Variants in DNAH5 observed in about 807,000 individuals in gnomAD.
DNAH5 encodes axonemal beta dynein heavy chain 5.
A neutral mutation model predicts 518.2 loss-of-function variants in DNAH5; 372 were observed. The ratio of observed to expected loss-of-function variants is 0.72; its 90% confidence interval spans 0.66 to 0.78. The LOEUF is 0.78. DNAH5 is among the 30% of genes least tolerant of loss of function. The probability of loss-of-function intolerance (pLI) is 0.00; values close to 1 mark genes in which losing one functional copy is unlikely to be tolerated. For missense variants in DNAH5, 5,523 were observed against 5,687.0 expected (o/e 0.97, Z 0.93); for synonymous variants, 2,039 against 2,025.9 (o/e 1.01, Z -0.17).
At position 13,892,485 on chromosome 5, in the gene DNAH5, AG is replaced by A. The variant is rs1773395160; in HGVS notation, c.2432-1365del. 1.3e-5 allele frequency among the ~76,000 whole-genome samples: 2 copies of A among 152,216 alleles called. 1 individual carries two copies. Among genetic ancestry groups the A allele is most frequent in the South Asian group, 4.1e-4 (2 of 4,836 alleles). On this transcript the variant is annotated intron_variant, in intron 16 of 78. Coordinates refer to ENST00000265104, the MANE Select transcript of DNAH5 (RefSeq NM_001369.3). The stretch of plus-strand genomic sequence containing the variant: ...TGGCTTACTAATCCAATTAAAATCC[AG>A]CTGCACTTGAGATTTTACATAGTTT...
At chr5:13,783,783 T>C (rs1755553664) in intron 52 of DNAH5, among the ~76,000 whole-genome samples, 1 of 152,236 alleles carries the variant, frequency 6.6e-6, no homozygotes, top group Non-Finnish European at 1.5e-5. Context: ...TTCTTACTCT[T>C]GGCTTCTATC....
intron 53 of DNAH5, among the ~76,000 whole-genome samples, chr5:13,778,600 G>GAAAGAAAGAA (rs1272994718): frequency 9.1e-4 from 66 of 72,908 alleles, no homozygotes; most frequent in African/African-American, 1.5e-3. Flanking sequence ...GAAAGAAAGA[G>GAAAGAAAGAA]AGAGAGAAAG....
Position 13,886,016 on chromosome 5 carries a change from T to G in DNAH5, c.2691A>C (p.Glu897Asp), listed in dbSNP as rs771933904. ...LLDVEVLSEE[E>D]SEKISNENSV... Reference sequence around the variant, plus strand: ...TATTCTCATTGGATATTTTTTCACTTTCTTCTTCAGATAAAACTTCCACAT... The same window carrying G: ...TATTCTCATTGGATATTTTTTCACTGTCTTCTTCAGATAAAACTTCCACAT... The change falls in exon 18 of 79, where the codon GAA becomes GAC. Residue 897 changes from glutamate (E) to aspartate (D), a missense_variant. Physicochemically the swap from Glu to Asp is conservative, Grantham distance 45. Transcript: ENST00000265104. 1.9e-6 allele frequency: 3 copies of G among 1,613,396 alleles called. No homozygotes were observed. In the East Asian group the frequency reaches 6.7e-5, roughly 36 times the overall value.
intron 65 of DNAH5, among the ~76,000 whole-genome samples, chr5:13,750,259 C>T (rs1342610804): frequency 6.6e-6 from 1 of 152,096 alleles, no homozygotes; most frequent in African/African-American, 2.4e-5. Context: ...AACTAAATTC[C>T]TCATTATTAT....
intron 1 of DNAH5, among the ~76,000 whole-genome samples, chr5:13,985,345 T>C (rs1263302188): frequency 6.7e-6 from 1 of 150,172 alleles, no homozygotes; most frequent in Admixed American, 6.7e-5. Context: ...AGTTAATGGG[T>C]GCAGCACACC....
At chr5:13,717,081 G>C (rs1744394240) in intron 73 of DNAH5, among the ~76,000 whole-genome samples, 2 of 152,046 alleles carry the variant, frequency 1.3e-5, no homozygotes, top group African/African-American at 4.8e-5. Flanking sequence ...GCCCCTTGAG[G>C]CTGTCTTCTT....
intron 70 of DNAH5, among the ~76,000 whole-genome samples, chr5:13,725,329 G>T (rs918024961): frequency 2.0e-5 from 3 of 152,222 alleles, no homozygotes; most frequent in African/African-American, 7.2e-5. Context: ...AGCTAAGTGG[G>T]TCAGAGCATG....
intron 49 of DNAH5, among the ~76,000 whole-genome samples, chr5:13,792,758 G>A (rs980855493): frequency 6.6e-6 from 1 of 152,174 alleles, no homozygotes; most frequent in African/African-American, 2.4e-5. Flanking sequence ...TGACTGAAGG[G>A]AGATTACTGC....
chr5:13,961,898 C>T (rs1304594889), intron 1 of DNAH5, among the ~76,000 whole-genome samples: 3 of 146,502 alleles, frequency 2.0e-5, no homozygotes, highest in East Asian at 4.2e-4. Context: ...CAATCACTAA[C>T]GCTTTTATTA....
At chr5:13,939,814 C>T (rs1056693413) in intron 1 of DNAH5, among the ~76,000 whole-genome samples, 6 of 152,186 alleles carry the variant, frequency 3.9e-5, no homozygotes, top group Admixed American at 1.3e-4. Context: ...CAGAATTAAG[C>T]GCACTTCAGT....
chr5:14,001,442 C>A (rs764691821), intron 1 of DNAH5, among the ~76,000 whole-genome samples: 5 of 152,128 alleles, frequency 3.3e-5, no homozygotes, highest in Admixed American at 1.3e-4. Context: ...CGGCTCACTG[C>A]CAACTCCGCC....
At chr5:13,955,478 C>T (rs1303627208) in intron 1 of DNAH5, among the ~76,000 whole-genome samples, 1 of 152,096 alleles carries the variant, frequency 6.6e-6, no homozygotes, top group Non-Finnish European at 1.5e-5. Context: ...AGGGTGTGTC[C>T]AGCTCATTAC....
chr5:13,866,704 G>A (rs72735029), intron 25 of DNAH5, among the ~76,000 whole-genome samples: 1,793 of 152,192 alleles, frequency 0.012, 12 homozygotes, highest in Non-Finnish European at 0.018. Flanking sequence ...TCCAACATTA[G>A]AAAATCTTAA....
intron 1 of DNAH5, among the ~76,000 whole-genome samples, chr5:14,005,749 T>C (rs1187159778): frequency 6.6e-6 from 1 of 152,246 alleles, no homozygotes; most frequent in African/African-American, 2.4e-5. Flanking sequence ...GCTTTGTTTC[T>C]TAAAGGAGGA....
chr5:13,753,355 C>T lies in DNAH5; in HGVS notation c.10750G>A (p.Asp3584Asn). 2 of 1,613,946 alleles carry T rather than the reference C, an allele frequency of 1.2e-6. No individual in the cohort carries two copies. Among genetic ancestry groups the T allele is most frequent in the South Asian group, 1.1e-5 (1 of 91,066 alleles). The change falls in exon 63 of 79, where the codon GAT (aspartate) becomes AAT (asparagine). Residue 3584 changes from aspartate to asparagine, a missense_variant. Physicochemically the swap from Asp to Asn is conservative, Grantham distance 23. Transcript: ENST00000265104. ...ATTCCATTTTGAATGGACAAGTCAT[C>T]ATTTGGCAGACCTTGGAGGTTCCAT... Reference protein sequence around the residue: ...SEWNLQGLPNDDLSIQNGIIV... With the variant: ...SEWNLQGLPNNDLSIQNGIIV...
At position 13,714,594 on chromosome 5, in the gene DNAH5, C is replaced by T. The variant is rs773285536; in HGVS notation, c.12936G>A (p.Glu4312=). 2 of 1,614,126 alleles carry T rather than the reference C, an allele frequency of 1.2e-6. No individual in the cohort carries two copies. Among genetic ancestry groups the T allele is most frequent in the East Asian group, 2.2e-5 (1 of 44,868 alleles). The change falls in exon 75 of 79, where the codon GAG becomes GAA. Residue 4312 remains glutamate (E), a synonymous_variant. Transcript: ENST00000265104. ...CAGCATTGGGGTGCAGCCCAAACAC[C>T]TCAGGGCTGTCATAGGCAGGCAAAC... is the stretch of plus-strand genomic sequence containing the variant. ...IQSLPAYDSP[E]VFGLHPNADI...
At chr5:13,730,635 C>T (rs1255612503) in intron 68 of DNAH5, among the ~76,000 whole-genome samples, 3 of 151,834 alleles carry the variant, frequency 2.0e-5, no homozygotes, top group Non-Finnish European at 4.4e-5. Context: ...GAGGTTTCAC[C>T]GTGTTAGCCA....
chr5:13,903,618 G>A (rs1017796765), intron 12 of DNAH5, among the ~76,000 whole-genome samples: 1 of 151,700 alleles, frequency 6.6e-6, no homozygotes, highest in Non-Finnish European at 1.5e-5. Context: ...TCACAAAAGG[G>A]AGAAATCAAA....
Position 13,845,042 on chromosome 5 carries a change from C to G in DNAH5, c.5115-49G>C, listed in dbSNP as rs10041099. 0.36 allele frequency: 571,301 copies of G among 1,580,278 alleles called. 105,419 individuals carry two copies. The highest frequency in any genetic ancestry group is 0.56 in the East Asian group (25,091 of 44,454). On this transcript the variant is annotated intron_variant, in intron 31 of 78. Transcript: ENST00000265104. ...ACCTTTATAACCACACAAAGCTGGT[C>G]GTTCAAGGAATAAATTAACCTGGAT...
Sources: gnomAD v4.1 joint callset for allele counts (sites outside exome capture counted in the v4.1 genomes callset) on GRCh38, gnomAD v4.1.1 for gene constraint, MANE v1.5 for transcripts, NCBI Gene and HGNC (gene_info 2026-07-23, HGNC 2026-07-21) for gene names.